Variants in DPP6 observed in about 807,000 individuals in gnomAD.
The protein encoded by DPP6 is dipeptidyl peptidase like 6, also known as A-type potassium channel modulatory protein DPP6.
Under a neutral mutation model 122.6 loss-of-function variants are expected in DPP6, and 69 were observed. The observed-to-expected ratio is 0.56, with a 90% confidence interval of 0.46 to 0.69. The LOEUF is 0.69. Among genes scored for constraint, DPP6 ranks in the 30% least tolerant of loss-of-function variants. The pLI is 0.00. For synonymous variants in DPP6, 418 were observed against 433.1 expected, an observed-to-expected ratio of 0.97 and a Z score of 0.43; for missense variants, 928 against 1,116.9, an observed-to-expected ratio of 0.83 and a Z score of 2.41.
In DPP6 at chr7:154,486,589, C is replaced by G. The variant is rs1468899608; in HGVS notation, c.457+11552C>G. 6.6e-6 allele frequency among the ~76,000 whole-genome samples: 1 copy of G among 152,198 alleles called. No homozygotes were observed. The highest frequency in any genetic ancestry group is 1.5e-5 in the Non-Finnish European group (1 of 68,038). Reference sequence around the variant, plus strand: ...CATGGCTTGACCCAAAATACATTCTCTCTGATTTTCCAAATTAGAATTAGT... The same window carrying G: ...CATGGCTTGACCCAAAATACATTCTGTCTGATTTTCCAAATTAGAATTAGT... On this transcript the variant is annotated intron_variant, in intron 3 of 25. Transcript: ENST00000377770. This position sits in a 1 kb window ranked among gnomAD's most constrained non-coding sequence, Gnocchi z 4.5.
chr7:154,727,702 T>C (rs764926347), intron 7 of DPP6, 65 bp from the exon 8 acceptor site: 3 of 1,501,994 alleles, frequency 2.0e-6, no homozygotes, highest in Non-Finnish European at 2.7e-6. Flanking sequence ...TCAGATTTTT[T>C]AAGAACAGCC....
At chr7:154,468,143 A>G (rs764252509) in intron 2 of DPP6, among the ~76,000 whole-genome samples, 4 of 152,260 alleles carry the variant, frequency 2.6e-5, no homozygotes, top group Admixed American at 6.5e-5. Flanking sequence ...GTAGTGGTAC[A>G]TTCTGTACGT....
chr7:154,204,783 TTG>T (rs71182884), intron 1 of DPP6, among the ~76,000 whole-genome samples: 8 of 150,868 alleles, frequency 5.3e-5, no homozygotes, highest in Non-Finnish European at 1.2e-4. Flanking sequence ...CTTGATGACC[TTG>T]TGTGTGTGTG....
rs755438506 is a variant in DPP6, at chr7:154,760,248, G to A, written c.884-9169G>A. On this transcript the variant is annotated intron_variant, in intron 8 of 25. Transcript: ENST00000377770. The surrounding 1 kb of genome is among the most constrained non-coding windows in gnomAD (Gnocchi z 4.5). ...ATTCAGCAGGCGGATTCTGGGATTA[G>A]CAGGTGATTGGTGGAAGGAACGGGG... is the stretch of plus-strand genomic sequence containing the variant. Among the ~76,000 whole-genome samples the A allele has an allele frequency of 6.6e-6, 1 of 152,196 alleles. No homozygotes were observed. Among genetic ancestry groups the A allele is most frequent in the South Asian group, 2.1e-4 (1 of 4,828 alleles).
rs527237767 is a variant in DPP6, at chr7:154,832,595, G to A, written c.1667-21185G>A. ...GGGCACACAGCTGATCAGGAGCTGA[G>A]CCCACACAAGAGCCAGAGTTCCTCC... On this transcript the variant is annotated intron_variant, in intron 16 of 25. Coordinates refer to ENST00000377770, the MANE Select transcript of DPP6 (RefSeq NM_130797.4). 7.2e-5 allele frequency among the ~76,000 whole-genome samples: 11 copies of A among 152,266 alleles called. No homozygotes were observed. The East Asian group carries it at 2.1e-3, about 29-fold the overall frequency.
chr7:153,838,741 A>T, the DPP6 span, among the ~76,000 whole-genome samples: 1 of 152,260 alleles, frequency 6.6e-6, no homozygotes, highest in Non-Finnish European at 1.5e-5. Flanking sequence ...CAAACAGTTA[A>T]TGGCTAGGTC....
chr7:154,224,107 C>G lies in DPP6; in HGVS notation c.243+171044C>G, dbSNP rs1800459071. Among the ~76,000 whole-genome samples, 2 of 148,424 alleles carry G rather than the reference C, an allele frequency of 1.3e-5. 1 individual carries two copies. Among genetic ancestry groups the G allele is most frequent in the African/African-American group, 5.2e-5 (2 of 38,662 alleles). On this transcript the variant is annotated intron_variant, in intron 1 of 25. Coordinates refer to ENST00000377770, the MANE Select transcript of DPP6 (RefSeq NM_130797.4). Reference sequence around the variant, plus strand: ...GGAGGGGACACACAGCCTGATCATTCCCTGGGAGGACACTGTGGCCCAGGC... The same window carrying G: ...GGAGGGGACACACAGCCTGATCATTGCCTGGGAGGACACTGTGGCCCAGGC...
rs1021392334 is a variant in DPP6 at position 154,883,633 on chromosome 7, CAT to C, written c.2134-1999_2134-1998del. 1.5e-4 allele frequency: 22 copies of C among 144,516 alleles called. 2 individuals carry two copies. The highest frequency in any genetic ancestry group is 2.1e-4 in the Non-Finnish European group (14 of 65,996). The allele number at this position is 144,516 out of a possible 1,614,324, so 9.0% of individuals were successfully genotyped here. A position where few individuals can be genotyped will look rare whatever the true frequency, so the allele number is the denominator to read the frequency against. On this transcript the variant is annotated intron_variant, in intron 21 of 25. Transcript: ENST00000377770. ...ACCCATAAACATGCTCACACACACACATGCTCATACACGTTTACCCATACACA... is the reference window on the plus strand; with the variant it reads ...ACCCATAAACATGCTCACACACACACGCTCATACACGTTTACCCATACACA...
chr7:154,619,228 T>C (rs1405785194), intron 5 of DPP6, among the ~76,000 whole-genome samples: 1 of 152,198 alleles, frequency 6.6e-6, no homozygotes, highest in African/African-American at 2.4e-5. Context: ...ATACCATCGA[T>C]TGGCACAGCA....
chr7:153,790,351 C>G, the DPP6 span, among the ~76,000 whole-genome samples: 1 of 120,254 alleles, frequency 8.3e-6, no homozygotes, highest in Non-Finnish European at 1.9e-5. Context: ...ATTTCAGTAA[C>G]TAATTTTTAT....
chr7:154,546,601 A>G (rs1829214928), intron 4 of DPP6, among the ~76,000 whole-genome samples: 1 of 152,068 alleles, frequency 6.6e-6, no homozygotes, highest in Non-Finnish European at 1.5e-5. Flanking sequence ...TAATGACTAA[A>G]TTAACATCTA....
At chr7:154,413,160 G>A (rs2151210354) in intron 1 of DPP6, among the ~76,000 whole-genome samples, 1 of 152,290 alleles carries the variant, frequency 6.6e-6, no homozygotes, top group Admixed American at 6.5e-5. Context: ...TAGATTCAAG[G>A]CAGCTGCCCA....
At position 154,535,386 on chromosome 7, in the gene DPP6, A is replaced by ATT. The variant is rs34372202; in HGVS notation, c.458-5135_458-5134dup. On this transcript the variant is annotated intron_variant, in intron 3 of 25. Transcript: ENST00000377770. Reference sequence around the variant, plus strand: ...AAAAAATAGATTTCATTCACTTTAGATTTTTTTTTTTTATTATTATACTTT... The same window carrying ATT: ...AAAAAATAGATTTCATTCACTTTAGATTTTTTTTTTTTTTATTATTATACTTT... 5.5e-4 allele frequency among the ~76,000 whole-genome samples: 82 copies of ATT among 149,978 alleles called. 1 individual carries two copies. The South Asian group carries it at 6.3e-3, about 12-fold the overall frequency.
intron 1 of DPP6, among the ~76,000 whole-genome samples, chr7:154,221,770 A>G (rs1234922136): frequency 6.6e-6 from 1 of 152,212 alleles, no homozygotes; most frequent in African/African-American, 2.4e-5. Flanking sequence ...GAGAATTGCT[A>G]TTAACCTCTG....
chr7:154,320,201 G>T (rs1160458742), intron 1 of DPP6, among the ~76,000 whole-genome samples: 1 of 151,978 alleles, frequency 6.6e-6, no homozygotes, highest in Non-Finnish European at 1.5e-5. Flanking sequence ...TTTTACGTTT[G>T]TTTTTTCCAC....
Position 154,709,419 on chromosome 7 carries a change from C to T in DPP6, c.763-18348C>T, listed in dbSNP as rs535375109. Among the ~76,000 whole-genome samples, 48 of 152,024 alleles carry T rather than the reference C, an allele frequency of 3.2e-4. No individual in the cohort carries two copies. The South Asian group carries it at 5.6e-3, about 18-fold the overall frequency. ...TGTTTTTGTAGAGATGGAGTCTTAC[C>T]GTGTTGCACAGGCTGGTCTCAAACT... On this transcript the variant is annotated intron_variant, in intron 7 of 25. Transcript: ENST00000377770.
At chr7:154,371,743 G>A (rs561345186) in intron 1 of DPP6, among the ~76,000 whole-genome samples, 8 of 152,198 alleles carry the variant, frequency 5.3e-5, no homozygotes, top group African/African-American at 9.6e-5. Context: ...GTGTACACCC[G>A]GGCAGATACC....
At chr7:154,886,550 T>TA (rs1424666726) in intron 22 of DPP6, among the ~76,000 whole-genome samples, 1 of 152,212 alleles carries the variant, frequency 6.6e-6, no homozygotes, top group Non-Finnish European at 1.5e-5. Context: ...CAGAGAGGTC[T>TA]TTTCTGTGGC....
intron 1 of DPP6, among the ~76,000 whole-genome samples, chr7:154,127,860 G>A (rs1270406403): frequency 4.1e-4 from 62 of 151,876 alleles, no homozygotes; most frequent in Admixed American, 4.1e-3. Context: ...GGTTGCTGTA[G>A]CAGCAGGCTA....
Sources: gnomAD v4.1 joint callset for allele counts (sites outside exome capture counted in the v4.1 genomes callset) on GRCh38, gnomAD v4.1.1 for gene constraint, Gnocchi (gnomAD v3.1) non-coding constraint, MANE v1.5 for transcripts, NCBI Gene and HGNC (gene_info 2026-07-23, HGNC 2026-07-21) for gene names.